NUMB: variants seen among roughly 807,000 people sequenced by gnomAD.
NUMB encodes the protein protein numb homolog.
Under a neutral mutation model 59.7 loss-of-function variants are expected in NUMB, and 29 were observed. The ratio of observed to expected loss-of-function variants is 0.49; its 90% CI spans 0.36 to 0.66. NUMB has a LOEUF of 0.66. Ranked by LOEUF, NUMB falls within the 30% of genes least tolerant of loss-of-function variation. The pLI is 0.00. For missense variants in NUMB, 723 were observed against 822.0 expected, an observed-to-expected ratio of 0.88 and a Z score of 1.47; for synonymous variants, 288 against 288.2, an observed-to-expected ratio of 1.00 and a Z score of 0.01.
chr14:73,404,076 GA>G (rs34056438), intron 2 of NUMB, among the ~76,000 whole-genome samples: 322 of 128,052 alleles, frequency 2.5e-3, no homozygotes, highest in African/African-American at 6.8e-3. Flanking sequence ...GACTCCGTCT[GA>G]AAAAAAAAAA....
chr14:73,276,348 AT>A lies in NUMB; in HGVS notation c.*229del. 1 of 483,150 alleles carries A rather than the reference AT, an allele frequency of 2.1e-6. No homozygotes were observed. The highest frequency in any genetic ancestry group is 3.3e-5 in the East Asian group (1 of 30,628). The allele number at this position is 483,150 out of a possible 1,614,324, so 29.9% of individuals were successfully genotyped here. On this transcript the variant is annotated 3_prime_UTR_variant, in exon 13 of 13. Transcript: ENST00000555238. ...GGGAAGAGGGAGTACAGAAAGCAAC[AT>A]TTCCTTGACTTCTTTAGCCTAATTG...
chr14:73,394,126 T>G (rs1031906065), intron 2 of NUMB, among the ~76,000 whole-genome samples: 1 of 152,096 alleles, frequency 6.6e-6, no homozygotes. Flanking sequence ...CCTTTAATTT[T>G]CTATTTTTAG....
intron 1 of NUMB, among the ~76,000 whole-genome samples, chr14:73,412,562 G>C (rs992914797): frequency 6.6e-6 from 1 of 151,476 alleles, no homozygotes; most frequent in African/African-American, 2.4e-5. Context: ...AGGAGGTGGA[G>C]GTTGCAGTAA....
chr14:73,349,514 C>T (rs1893090721), intron 4 of NUMB, among the ~76,000 whole-genome samples: 1 of 148,588 alleles, frequency 6.7e-6, no homozygotes, highest in Non-Finnish European at 1.5e-5. Context: ...GCAGAGGCTG[C>T]AGTGAGCCGA....
Position 73,355,685 on chromosome 14 carries a change from G to A in NUMB, c.67C>T (p.His23Tyr). Residue 23 changes from histidine (H) to tyrosine (Y), a missense_variant, in exon 4 of 13, where the codon CAT (histidine) becomes TAT (tyrosine). Coordinates refer to ENST00000555238, the MANE Select transcript of NUMB (RefSeq NM_001005743.2). ...CCTTCTTCATCTGTCTGCCACTGAT[G>A]TGGACGACTGGCCTCTGGAACATAA... ...DVYVPEASRPHQWQTDEEGVR... is the reference protein window; with the variant it reads ...DVYVPEASRPYQWQTDEEGVR... 1 of 1,613,796 alleles carries A rather than the reference G, an allele frequency of 6.2e-7. No individual in the cohort carries two copies. The highest frequency in any genetic ancestry group is 1.3e-5 in the African/African-American group (1 of 75,020).
At chr14:73,292,962 A>G (rs1379550009) in intron 7 of NUMB, 88 bp from the exon 8 acceptor site, 3 of 1,279,320 alleles carry the variant, frequency 2.3e-6, no homozygotes, top group East Asian at 4.6e-5. Flanking sequence ...ATGATGCACA[A>G]TCCATACATC....
At chr14:73,372,371 A>G (rs2140059306) in intron 2 of NUMB, among the ~76,000 whole-genome samples, 1 of 142,546 alleles carries the variant, frequency 7.0e-6, no homozygotes, top group African/African-American at 2.6e-5. Flanking sequence ...CCTTTTATAT[A>G]TATATATATA....
chr14:73,299,949 C>G (rs965969338), intron 6 of NUMB, among the ~76,000 whole-genome samples: 1 of 152,104 alleles, frequency 6.6e-6, no homozygotes, highest in African/African-American at 2.4e-5. Flanking sequence ...GAGCTTCCAT[C>G]TCTTCATCCG....
intron 1 of NUMB, among the ~76,000 whole-genome samples, chr14:73,442,066 G>C (rs1883105011): frequency 6.6e-6 from 1 of 151,452 alleles, no homozygotes; most frequent in Non-Finnish European, 1.5e-5. Context: ...ACAATGAAAA[G>C]AGACCCGGCA....
intron 6 of NUMB, 57 bp downstream of exon 6, chr14:73,316,333 G>C (rs1196022453): frequency 6.9e-7 from 1 of 1,456,072 alleles, no homozygotes; most frequent in African/African-American, 1.4e-5. Context: ...ATATGTCAGT[G>C]CTACACTAGG....
At chr14:73,308,741 G>A (rs554529286) in intron 6 of NUMB, among the ~76,000 whole-genome samples, 1 of 152,322 alleles carries the variant, frequency 6.6e-6, no homozygotes, top group African/African-American at 2.4e-5. Context: ...AACAGGTGTA[G>A]GCTGAGAAGA....
At chr14:73,448,188 T>C (rs1883672923) in intron 1 of NUMB, among the ~76,000 whole-genome samples, 1 of 152,140 alleles carries the variant, frequency 6.6e-6, no homozygotes, top group Non-Finnish European at 1.5e-5. Flanking sequence ...CTTTCCTTCA[T>C]ACCACCAATG....
Position 73,434,225 on chromosome 14 carries a change from C to T in NUMB, c.-232-24157G>A, listed in dbSNP as rs78359992. Among the ~76,000 whole-genome samples the T allele has an allele frequency of 4.7e-3, 717 of 152,260 alleles. 6 individuals are homozygous for T. The highest frequency in any genetic ancestry group is 0.017 in the African/African-American group (687 of 41,560). On this transcript the variant is annotated intron_variant, in intron 1 of 12. Coordinates refer to ENST00000555238, the MANE Select transcript of NUMB (RefSeq NM_001005743.2). ...AAAGTTAAGAGTATGAGCTCTGGAG[C>T]CAAACTATCTAGGTTTGAATCCCAG...
chr14:73,352,186 T>C (rs1439311975), intron 4 of NUMB, among the ~76,000 whole-genome samples: 1 of 151,448 alleles, frequency 6.6e-6, no homozygotes, highest in Non-Finnish European at 1.5e-5. Flanking sequence ...CAGTTTTCCT[T>C]TACCATTCTT....
chr14:73,348,002 T>C (rs1893004119), intron 4 of NUMB, among the ~76,000 whole-genome samples: 1 of 152,206 alleles, frequency 6.6e-6, no homozygotes, highest in Admixed American at 6.5e-5. Flanking sequence ...GCATGTCCCA[T>C]AGCAACTTCA....
At chr14:73,391,961 G>A (rs180680796) in intron 2 of NUMB, among the ~76,000 whole-genome samples, 12 of 152,342 alleles carry the variant, frequency 7.9e-5, no homozygotes, top group African/African-American at 2.6e-4. Flanking sequence ...ATATACGGAA[G>A]AGGAGTAAGT....
At position 73,348,760 on chromosome 14, in the gene NUMB, G is replaced by A. The variant is rs1473658350; in HGVS notation, c.126+6866C>T. On this transcript the variant is annotated intron_variant, in intron 4 of 12. Coordinates refer to ENST00000555238, the MANE Select transcript of NUMB (RefSeq NM_001005743.2). Reference sequence around the variant, plus strand: ...GCTCTAAAGCATATCCCATCTAGCTGATTTTATGACAAGTGAGAATTACAC... The same window carrying A: ...GCTCTAAAGCATATCCCATCTAGCTAATTTTATGACAAGTGAGAATTACAC... 2.0e-5 allele frequency among the ~76,000 whole-genome samples: 3 copies of A among 152,202 alleles called. 1 individual carries two copies. The highest frequency in any genetic ancestry group is 1.3e-4 in the Admixed American group (2 of 15,270).
chr14:73,430,221 T>C (rs1467573787), intron 1 of NUMB, among the ~76,000 whole-genome samples: 1 of 152,090 alleles, frequency 6.6e-6, no homozygotes, highest in Non-Finnish European at 1.5e-5. Context: ...TGTGTTTTCA[T>C]TTTACTTGAA....
At chr14:73,278,243 C>T (rs186216869) in intron 12 of NUMB, among the ~76,000 whole-genome samples, 7 of 152,032 alleles carry the variant, frequency 4.6e-5, no homozygotes, top group African/African-American at 1.2e-4. Flanking sequence ...CTTTTGAGGC[C>T]GGGTGTGGTG....
Sources: gnomAD v4.1 joint callset for allele counts (sites outside exome capture counted in the v4.1 genomes callset) on GRCh38, gnomAD v4.1.1 for gene constraint, MANE v1.5 for transcripts, NCBI Gene and HGNC (gene_info 2026-07-23, HGNC 2026-07-21) for gene names.